The following LMO3 variants were observed in gnomAD, a reference collection of about 807,000 sequenced individuals.
LMO3 encodes the protein LIM domain only protein 3.
A neutral mutation model predicts 15.8 loss-of-function variants in LMO3; 2 were observed. The observed-to-expected ratio is 0.13, with a 90% CI of 0.05 to 0.40. The LOEUF is 0.40. Ranked by LOEUF, LMO3 falls within the 10% of genes least tolerant of loss-of-function variation. The probability of loss-of-function intolerance (pLI) is 0.99; values close to 1 mark genes in which losing one functional copy is unlikely to be tolerated. For missense variants in LMO3, 86 were observed against 182.2 expected, an observed-to-expected ratio of 0.47 and a Z score of 3.04; for synonymous variants, 62 against 63.8, an observed-to-expected ratio of 0.97 and a Z score of 0.13.
At chr12:16,583,480 A>G (rs1943229017) in intron 2 of LMO3, among the ~76,000 whole-genome samples, 1 of 152,216 alleles carries the variant, frequency 6.6e-6, no homozygotes, top group African/African-American at 2.4e-5. Flanking sequence ...TTACCTCATA[A>G]AATGAAGACA....
intron 3 of LMO3, among the ~76,000 whole-genome samples, chr12:16,554,401 T>C (rs1942107592): frequency 6.6e-6 from 1 of 152,208 alleles, no homozygotes; most frequent in Non-Finnish European, 1.5e-5. Context: ...GTGTCTATAC[T>C]TTCCTATTCC....
chr12:16,578,132 A>G (rs1272809134), intron 2 of LMO3, among the ~76,000 whole-genome samples: 2 of 152,182 alleles, frequency 1.3e-5, no homozygotes, highest in African/African-American at 4.8e-5. Context: ...GCCAGGCAAC[A>G]GAGACTGAGT....
At chr12:16,594,004 C>T in intron 2 of LMO3, 1 of 715,576 alleles carries the variant, frequency 1.4e-6, no homozygotes, top group Admixed American at 3.0e-5. Flanking sequence ...TTTAGGCATT[C>T]TGTAGTTTTA....
At position 16,589,919 on chromosome 12, in the gene LMO3, T is replaced by C. The variant is rs1399483910; in HGVS notation, c.206+10736A>G. Among the ~76,000 whole-genome samples, 1 of 152,070 alleles carries C rather than the reference T, an allele frequency of 6.6e-6. No individual in the cohort carries two copies. Among genetic ancestry groups the C allele is most frequent in the African/African-American group, 2.4e-5 (1 of 41,420 alleles). ...CTCTGGCTACTGTCTCCGTCTAGCTTTCTGGGAAGTATGTGTTGGATTTTT... is the reference window on the plus strand; with the variant it reads ...CTCTGGCTACTGTCTCCGTCTAGCTCTCTGGGAAGTATGTGTTGGATTTTT... On this transcript the variant is annotated intron_variant, in intron 2 of 3. Transcript: ENST00000537304. This position sits in a 1 kb window ranked among gnomAD's most constrained non-coding sequence, Gnocchi z 4.2.
chr12:16,560,373 G>C lies in LMO3; in HGVS notation c.332+40C>G, dbSNP rs1431005847. 7 of 1,599,586 alleles carry C rather than the reference G, an allele frequency of 4.4e-6. No homozygotes were observed. The highest frequency in any genetic ancestry group is 6.0e-6 in the Non-Finnish European group (7 of 1,172,950). On this transcript the variant is annotated intron_variant, in intron 3 of 3. Transcript: ENST00000537304. The surrounding 1 kb of genome is among the most constrained non-coding windows in gnomAD (Gnocchi z 5.0). Reference sequence around the variant, plus strand: ...ATTAAATAAATAGCCAGCACAGAGAGGTTAACCATTTCTTAGAGACCAAAA... The same window carrying C: ...ATTAAATAAATAGCCAGCACAGAGACGTTAACCATTTCTTAGAGACCAAAA...
chr12:16,601,398 C>T (rs1357738451), intron 1 of LMO3, among the ~76,000 whole-genome samples: 3 of 152,144 alleles, frequency 2.0e-5, no homozygotes, highest in Non-Finnish European at 2.9e-5. Flanking sequence ...TAGTTAAGTA[C>T]ACAGAACAGC....
chr12:16,567,871 T>G (rs1447051139), intron 2 of LMO3, among the ~76,000 whole-genome samples: 1 of 152,144 alleles, frequency 6.6e-6, no homozygotes, highest in African/African-American at 2.4e-5. Context: ...TCAAGCCCAC[T>G]CAGAGGGCTC....
chr12:16,581,470 A>G (rs1943157581), intron 2 of LMO3, among the ~76,000 whole-genome samples: 1 of 152,214 alleles, frequency 6.6e-6, no homozygotes, highest in South Asian at 2.1e-4. Flanking sequence ...ATACTAAAAT[A>G]TAAGATACAT....
At chr12:16,564,486 A>G (rs1260860777) in intron 2 of LMO3, among the ~76,000 whole-genome samples, 1 of 152,184 alleles carries the variant, frequency 6.6e-6, no homozygotes, top group Non-Finnish European at 1.5e-5. Context: ...CAAGACATAT[A>G]CTCATTTAAC....
At position 16,582,472 on chromosome 12, in the gene LMO3, T is replaced by C. The variant is rs1441948209; in HGVS notation, c.206+18183A>G. On this transcript the variant is annotated intron_variant, in intron 2 of 3. Coordinates refer to ENST00000537304, the MANE Select transcript of LMO3 (RefSeq NM_018640.5). The surrounding 1 kb of genome is among the most constrained non-coding windows in gnomAD (Gnocchi z 4.1). The stretch of plus-strand genomic sequence containing the variant: ...AGGTCAAGGTACTGTATTAGAGTTA[T>C]GTTAGTTTTGCATAAGCTGCTTTAC... 1.3e-5 allele frequency among the ~76,000 whole-genome samples: 2 copies of C among 152,206 alleles called. No homozygotes were observed. The highest frequency in any genetic ancestry group is 2.1e-4 in the South Asian group (1 of 4,832).
chr12:16,587,099 A>AT lies in LMO3; in HGVS notation c.206+13555dup, dbSNP rs1265341008. Among the ~76,000 whole-genome samples, 42 of 152,310 alleles carry AT rather than the reference A, an allele frequency of 2.8e-4. No homozygotes were observed. Among genetic ancestry groups the AT allele is most frequent in the African/African-American group, 1.0e-3 (42 of 41,584 alleles). ...ATCTAATGCATTTAACTACCAAACT[A>AT]TGCCCACAAGGGTACTTGGACAATG... is the stretch of plus-strand genomic sequence containing the variant. On this transcript the variant is annotated intron_variant, in intron 2 of 3. Coordinates refer to ENST00000537304, the MANE Select transcript of LMO3 (RefSeq NM_018640.5). This position sits in a 1 kb window ranked among gnomAD's most constrained non-coding sequence, Gnocchi z 4.3.
rs939125883 is a variant in LMO3 at position 16,603,228 on chromosome 12, G to A, written c.-8-2360C>T. ...TATTTGAAACTCTTACATTCTGTTT[G>A]GCCTTGGGCATAAAAGGAGTTTGAT... On this transcript the variant is annotated intron_variant, in intron 1 of 3. Transcript: ENST00000537304. This position sits in a 1 kb window ranked among gnomAD's most constrained non-coding sequence, Gnocchi z 4.9. 1.3e-5 allele frequency among the ~76,000 whole-genome samples: 2 copies of A among 152,250 alleles called. No homozygotes were observed. Among genetic ancestry groups the A allele is most frequent in the Non-Finnish European group, 2.9e-5 (2 of 68,006 alleles).
At chr12:16,556,444 A>G (rs1942192850) in intron 3 of LMO3, among the ~76,000 whole-genome samples, 1 of 151,924 alleles carries the variant, frequency 6.6e-6, no homozygotes, top group Non-Finnish European at 1.5e-5. Context: ...CAATCCTGAA[A>G]GGTTATTATT....
chr12:16,604,042 G>C lies in LMO3; in HGVS notation c.-9+2024C>G, dbSNP rs1240526017. On this transcript the variant is annotated intron_variant, in intron 1 of 3. Transcript: ENST00000537304. This position sits in a 1 kb window ranked among gnomAD's most constrained non-coding sequence, Gnocchi z 5.3. Reference sequence around the variant, plus strand: ...AGAAAGATGCTAAAATGGGAATGCAGGTTCTGCAGCTGGGAGCATTGACAC... The same window carrying C: ...AGAAAGATGCTAAAATGGGAATGCACGTTCTGCAGCTGGGAGCATTGACAC... Among the ~76,000 whole-genome samples the C allele has an allele frequency of 1.3e-5, 2 of 152,322 alleles. No individual in the cohort carries two copies. The highest frequency in any genetic ancestry group is 2.1e-4 in the South Asian group (1 of 4,830).
intron 3 of LMO3, among the ~76,000 whole-genome samples, chr12:16,554,743 G>A (rs1301655475): frequency 3.3e-5 from 5 of 152,196 alleles, no homozygotes; most frequent in East Asian, 1.9e-4. Context: ...GATTCGCTCC[G>A]CCTCCCGGGT....
intron 2 of LMO3, among the ~76,000 whole-genome samples, chr12:16,569,057 T>A (rs1942719719): frequency 6.6e-6 from 1 of 152,200 alleles, no homozygotes; most frequent in Admixed American, 6.5e-5. Context: ...AGTTTCAGGC[T>A]TACTCAGTGT....
At chr12:16,568,069 C>T (rs1443586169) in intron 2 of LMO3, among the ~76,000 whole-genome samples, 2 of 151,988 alleles carry the variant, frequency 1.3e-5, no homozygotes, top group Non-Finnish European at 2.9e-5. Flanking sequence ...ACACTGGCAA[C>T]AATAGAAAAT....
At chr12:16,588,259 C>A (rs1201574856) in intron 2 of LMO3, among the ~76,000 whole-genome samples, 2 of 151,618 alleles carry the variant, frequency 1.3e-5, no homozygotes, top group African/African-American at 4.8e-5. Flanking sequence ...TACAAATATA[C>A]AAATTGAAGG....
At chr12:16,571,145 G>A (rs1214761567) in intron 2 of LMO3, among the ~76,000 whole-genome samples, 1 of 151,972 alleles carries the variant, frequency 6.6e-6, no homozygotes, top group Non-Finnish European at 1.5e-5. Flanking sequence ...TTCTTTTAAG[G>A]TAAGTAGCAG....
Sources: gnomAD v4.1 joint callset for allele counts (sites outside exome capture counted in the v4.1 genomes callset) on GRCh38, gnomAD v4.1.1 for gene constraint, Gnocchi (gnomAD v3.1) non-coding constraint, MANE v1.5 for transcripts, NCBI Gene and HGNC (gene_info 2026-07-23, HGNC 2026-07-21) for gene names.